The following WDFY4 variants were observed in gnomAD, a reference collection of about 807,000 sequenced individuals.
WDFY4 encodes WD repeat- and FYVE domain-containing protein 4.
A neutral mutation model predicts 351.9 loss-of-function variants in WDFY4; 169 were observed. That is an observed-to-expected ratio of 0.48 (90% CI 0.42 to 0.55). WDFY4 has a LOEUF of 0.55. Among genes scored for constraint, WDFY4 ranks in the 20% least tolerant of loss-of-function variants. The pLI, the probability that WDFY4 is intolerant of heterozygous loss-of-function variation, is 0.00. For synonymous variants in WDFY4, 1,622 were observed against 1,574.6 expected, an observed-to-expected ratio of 1.03 and a Z score of -0.71; for missense variants, 3,803 against 3,935.6, an observed-to-expected ratio of 0.97 and a Z score of 0.90.
At chr10:48,736,125 T>C in intron 11 of WDFY4, 55 bp downstream of exon 11, 1 of 1,544,576 alleles carries the variant, frequency 6.5e-7, no homozygotes, top group South Asian at 1.2e-5. Context: ...CACCAAGCGA[T>C]CCACATTTGC....
rs1281595958 is a variant in WDFY4 at position 48,820,286 on chromosome 10, A to G, written c.5558A>G (p.Glu1853Gly). Residue 1853 changes from glutamate (E) to glycine (G), a missense_variant, in exon 33 of 62, where the codon GAA (glutamate) becomes GGA (glycine). Coordinates refer to ENST00000325239, the MANE Select transcript of WDFY4 (RefSeq NM_001394531.1). ...ACCAGCAGTCCTGAGGCCGCAGCTGAAGGCGACAGCACAGTGGAGGGTCTC... is the reference window on the plus strand; with the variant it reads ...ACCAGCAGTCCTGAGGCCGCAGCTGGAGGCGACAGCACAGTGGAGGGTCTC... ...RNTSSPEAAA[E>G]GDSTVEGLQA... is the part of the protein sequence containing the mutation. 6.4e-7 allele frequency: 1 copy of G among 1,551,624 alleles called. No individual in the cohort carries two copies. Among genetic ancestry groups the G allele is most frequent in the African/African-American group, 1.4e-5 (1 of 73,136 alleles).
chr10:48,725,876 T>G lies in WDFY4; in HGVS notation c.592-5T>G, dbSNP rs1487766904. ...TCCTTGACTGTTTATCTTCTTATTT[T>G]TCAGATGTTGCTCAATATTTGCAGT... On this transcript the variant is annotated splice_region_variant and splice_polypyrimidine_tract_variant and intron_variant, in intron 5 of 61. Coordinates refer to ENST00000325239, the MANE Select transcript of WDFY4 (RefSeq NM_001394531.1). 5.9e-6 allele frequency: 9 copies of G among 1,534,220 alleles called. No individual in the cohort carries two copies. The highest frequency in any genetic ancestry group is 7.9e-6 in the Non-Finnish European group (9 of 1,132,640).
At chr10:48,885,979 A>G (rs1003948519) in intron 43 of WDFY4, among the ~76,000 whole-genome samples, 2 of 152,194 alleles carry the variant, frequency 1.3e-5, no homozygotes, top group Non-Finnish European at 2.9e-5. Flanking sequence ...CCATATGCCA[A>G]TACTATTAGA....
In WDFY4 at chr10:48,845,170, G is replaced by A. The variant is rs184373958; in HGVS notation, c.6663+12461G>A. ...GAGTGGCTCAGAGGAGGTGGCAGGA[G>A]CCGGCCACCAAGCATCATTCCAAGT... On this transcript the variant is annotated intron_variant, in intron 39 of 61. Transcript: ENST00000325239. 4.1e-4 allele frequency among the ~76,000 whole-genome samples: 62 copies of A among 152,352 alleles called. 1 individual carries two copies. The East Asian group carries it at 6.2e-3, about 15-fold the overall frequency.
intron 2 of WDFY4, among the ~76,000 whole-genome samples, chr10:48,715,063 G>A (rs1165568653): frequency 6.6e-6 from 1 of 152,268 alleles, no homozygotes; most frequent in Admixed American, 6.5e-5. Context: ...TTGTAAGGAA[G>A]CCCAAGTAGT....
chr10:48,975,078 T>A (rs1310389036), intron 58 of WDFY4, 37 bp downstream of exon 58: 1 of 1,551,410 alleles, frequency 6.4e-7, no homozygotes, highest in Non-Finnish European at 8.7e-7. Context: ...TGTCCTCACC[T>A]TCGCAGTAGC....
At chr10:48,759,036 AAT>A (rs140066476) in intron 12 of WDFY4, among the ~76,000 whole-genome samples, 14 of 150,344 alleles carry the variant, frequency 9.3e-5, no homozygotes, top group Non-Finnish European at 1.0e-4. Flanking sequence ...AATGTTAATG[AAT>A]ATATATATAT....
At chr10:48,825,729 T>C (rs1425439734) in intron 35 of WDFY4, among the ~76,000 whole-genome samples, 1 of 152,142 alleles carries the variant, frequency 6.6e-6, no homozygotes, top group Non-Finnish European at 1.5e-5. Flanking sequence ...TTTTTTTTCA[T>C]ATATTTGTTG....
chr10:48,737,357 TA>T (rs984741567), intron 11 of WDFY4, among the ~76,000 whole-genome samples: 26 of 149,248 alleles, frequency 1.7e-4, no homozygotes, highest in East Asian at 5.8e-4. Flanking sequence ...GTTGGTGAAT[TA>T]AAAAAAAAAG....
At position 48,803,797 on chromosome 10, in the gene WDFY4, G is replaced by A. The variant is rs142294630; in HGVS notation, c.4484+438G>A. Among the ~76,000 whole-genome samples, 293 of 152,264 alleles carry A rather than the reference G, an allele frequency of 1.9e-3. 1 individual carries two copies. Among genetic ancestry groups the A allele is most frequent in the Middle Eastern group, 0.01 (3 of 294 alleles). ...ACAGGAAGAAAAGACCAGTAAAGAG[G>A]GACTTCGTTGGCTCTTACAATTGAA... On this transcript the variant is annotated intron_variant, in intron 25 of 61. Transcript: ENST00000325239.
In WDFY4 at chr10:48,731,289, A is replaced by G. The variant is rs865977690; in HGVS notation, c.1309A>G (p.Met437Val). The G allele has an allele frequency of 4.5e-6, 7 of 1,551,928 alleles. No individual in the cohort carries two copies. The Middle Eastern group carries it at 8.3e-4, about 185-fold the overall frequency. ...GCCCATCTCGCAGTTTGTAGAGATC[A>G]TGCCCCTGAAGCCGGCCCCAGTGCA... ...LQPISQFVEI[M>V]PLKPAPVQEH... The change falls in exon 9 of 62, where the codon ATG becomes GTG. Residue 437 changes from methionine to valine, a missense_variant. Around this residue, in one of 3 missense-constraint regions of WDFY4, gnomAD observed 261 missense variants for 330.2 expected, o/e 0.79. Coordinates refer to ENST00000325239, the MANE Select transcript of WDFY4 (RefSeq NM_001394531.1).
chr10:48,787,912 CTTCTTCTT>C (rs1565198787), intron 20 of WDFY4, among the ~76,000 whole-genome samples: 7 of 45,166 alleles, frequency 1.5e-4, no homozygotes, highest in African/African-American at 5.9e-4. Flanking sequence ...TCTTCTTCTT[CTTCTTCTT>C]CTTCTTCTTC....
chr10:48,873,226 A>T (rs1236897325), intron 40 of WDFY4, among the ~76,000 whole-genome samples: 2 of 152,218 alleles, frequency 1.3e-5, no homozygotes, highest in African/African-American at 4.8e-5. Context: ...TCTGTCCATC[A>T]CCAGTAGCCT....
At chr10:48,725,597 TA>T (rs1324062516) in intron 5 of WDFY4, among the ~76,000 whole-genome samples, 14 of 152,216 alleles carry the variant, frequency 9.2e-5, no homozygotes, top group Admixed American at 6.5e-4. Flanking sequence ...GTATTCCCAT[TA>T]AAAAGACACA....
At chr10:48,787,933 CTTCTTCTTCTTCTT>C (rs1565198967) in intron 20 of WDFY4, among the ~76,000 whole-genome samples, 4 of 93,986 alleles carry the variant, frequency 4.3e-5, no homozygotes, top group Admixed American at 1.2e-4. Flanking sequence ...TCTTCTTCTT[CTTCTTCTTCTTCTT>C]CTTCTTCTTC....
intron 29 of WDFY4, among the ~76,000 whole-genome samples, chr10:48,811,232 G>C (rs1287737635): frequency 1.3e-5 from 2 of 152,168 alleles, no homozygotes; most frequent in African/African-American, 2.4e-5. Context: ...CAAGCTTCAT[G>C]AGTGCCTGGA....
intron 43 of WDFY4, among the ~76,000 whole-genome samples, chr10:48,887,232 G>A (rs1199805689): frequency 2.0e-5 from 3 of 152,238 alleles, no homozygotes; most frequent in African/African-American, 7.2e-5. Flanking sequence ...GGAGGAGAGA[G>A]GGTTTGGAGG....
chr10:48,774,562 C>G lies in WDFY4; in HGVS notation c.2658C>G (p.Leu886=). The stretch of plus-strand genomic sequence containing the variant: ...GCGAAGCAGGCTTGCTTGGGACCCT[C>G]ATGGCCTCCTGCCACAGGGCCCTGG... ...VMCEAGLLGT[L]MASCHRALVT... Residue 886 remains leucine, a synonymous_variant, in exon 14 of 62, where the codon CTC becomes CTG. Coordinates refer to ENST00000325239, the MANE Select transcript of WDFY4 (RefSeq NM_001394531.1). 1 of 1,551,554 alleles carries G rather than the reference C, an allele frequency of 6.4e-7. No individual in the cohort carries two copies. The highest frequency in any genetic ancestry group is 1.2e-5 in the South Asian group (1 of 84,048).
rs1346064206 is a variant in WDFY4 at position 48,910,719 on chromosome 10, G to T, written c.7586+8856G>T. Among the ~76,000 whole-genome samples, 3 of 152,174 alleles carry T rather than the reference G, an allele frequency of 2.0e-5. No individual in the cohort carries two copies. The South Asian group carries it at 6.2e-4, about 32-fold the overall frequency. ...TGCACTTGAAACTCCTTCCTGAGAT[G>T]TGTGATAAGAGGCAAAGCATGATAA... On this transcript the variant is annotated intron_variant, in intron 47 of 61. Transcript: ENST00000325239.
Sources: gnomAD v4.1 joint callset for allele counts (sites outside exome capture counted in the v4.1 genomes callset) on GRCh38, gnomAD v4.1.1 for gene constraint, gnomAD v4.1.1 regional missense constraint, MANE v1.5 for transcripts, NCBI Gene and HGNC (gene_info 2026-07-23, HGNC 2026-07-21) for gene names.